The following AP2B1 variants were observed in gnomAD, a reference collection of about 807,000 sequenced individuals.
AP2B1 encodes AP-2 complex subunit beta.
A neutral mutation model predicts 102.0 loss-of-function variants in AP2B1; 23 were observed. The ratio of observed to expected loss-of-function variants is 0.23; its 90% CI spans 0.16 to 0.32. AP2B1 has a LOEUF of 0.32. Ranked by LOEUF, AP2B1 falls within the 10% of genes least tolerant of loss-of-function variation. The probability of loss-of-function intolerance (pLI) is 1.00; values close to 1 mark genes in which losing one functional copy is unlikely to be tolerated. For missense variants in AP2B1, 541 were observed against 1,157.4 expected, an observed-to-expected ratio of 0.47 and a Z score of 7.73; for synonymous variants, 381 against 421.2, an observed-to-expected ratio of 0.90 and a Z score of 1.17.
intron 21 of AP2B1, among the ~76,000 whole-genome samples, chr17:35,720,561 ATATATATATATATTTTTTTT>A (rs2085338424): frequency 2.0e-5 from 1 of 49,024 alleles, no homozygotes; most frequent in African/African-American, 7.7e-5. Flanking sequence ...ATATATATAT[ATATATATATATATTTTTTTT>A]TTTTTTTTTT....
At chr17:35,590,766 A>T (rs2073068575) in intron 1 of AP2B1, among the ~76,000 whole-genome samples, 1 of 152,202 alleles carries the variant, frequency 6.6e-6, no homozygotes, top group South Asian at 2.1e-4. Context: ...GCTCACAGTG[A>T]ACAGGATAGT....
chr17:35,594,161 A>G, intron 2 of AP2B1, 94 bp downstream of exon 2: 1 of 726,142 alleles, frequency 1.4e-6, no homozygotes, highest in South Asian at 2.0e-5. Flanking sequence ...CTTCCTTCAG[A>G]CATACATGTA....
At chr17:35,690,883 G>A (rs2076027185) in intron 18 of AP2B1, among the ~76,000 whole-genome samples, 1 of 152,180 alleles carries the variant, frequency 6.6e-6, no homozygotes, top group Non-Finnish European at 1.5e-5. Flanking sequence ...CTAGAGGTCT[G>A]ATAGCACCTT....
intron 19 of AP2B1, 60 bp from the exon 20 acceptor site, chr17:35,710,174 G>C: frequency 7.9e-7 from 1 of 1,269,352 alleles, no homozygotes; most frequent in African/African-American, 1.5e-5. Context: ...GCAAGGCATC[G>C]AAAATCAGAA....
At chr17:35,688,539 C>T (rs145725775) in intron 18 of AP2B1, among the ~76,000 whole-genome samples, 122 of 152,310 alleles carry the variant, frequency 8.0e-4, no homozygotes, top group African/African-American at 2.8e-3. Flanking sequence ...AACTTCTTTG[C>T]TGCTGCTCTC....
intron 5 of AP2B1, among the ~76,000 whole-genome samples, chr17:35,619,861 C>G (rs1020671999): frequency 6.6e-6 from 1 of 152,010 alleles, no homozygotes; most frequent in African/African-American, 2.4e-5. Context: ...CTTGGCTTAC[C>G]GCAACCTCTG....
Position 35,717,324 on chromosome 17 carries a change from T to C in AP2B1, c.2756T>C (p.Ile919Thr). 1 of 1,614,168 alleles carries C rather than the reference T, an allele frequency of 6.2e-7. No homozygotes were observed. The change falls in exon 21 of 22, where the codon ATC (isoleucine) becomes ACC (threonine). Residue 919 changes from isoleucine to threonine, a missense_variant. Coordinates refer to ENST00000610402, the MANE Select transcript of AP2B1 (RefSeq NM_001030006.2). ...ATTTGGATTTTGGCCGAACTACGTA[T>C]CCAGCCAGGAAACCCCAATTACACG... ...NGIWILAELR[I>T]QPGNPNYTLS...
chr17:35,621,405 A>G lies in AP2B1; in HGVS notation c.526-2992A>G, dbSNP rs2074173909. 5.5e-6 allele frequency: 5 copies of G among 906,440 alleles called. 1 individual carries two copies. In the South Asian group the frequency reaches 2.5e-4, roughly 46 times the overall value. 56.1% of individuals were successfully genotyped at this position (906,440 alleles called of 1,614,324 possible). ...ATGTTGCTAAAAATGTAACAGTCTG[A>G]CTGTGGAGATTAGGAGATGAAAGTG... On this transcript the variant is annotated intron_variant, in intron 5 of 21. Coordinates refer to ENST00000610402, the MANE Select transcript of AP2B1 (RefSeq NM_001030006.2).
chr17:35,684,353 A>G (rs990999660), intron 18 of AP2B1, among the ~76,000 whole-genome samples: 26 of 152,252 alleles, frequency 1.7e-4, no homozygotes, highest in African/African-American at 6.0e-4. Context: ...TCCTCTTTCC[A>G]GTCAAGACAG....
chr17:35,592,507 C>T (rs749545718), intron 1 of AP2B1, among the ~76,000 whole-genome samples: 7 of 152,002 alleles, frequency 4.6e-5, no homozygotes, highest in Non-Finnish European at 7.4e-5. Context: ...TACATGCCAC[C>T]ATGCCTGAGC....
chr17:35,593,976 C>A, intron 1 of AP2B1, 32 bp from the exon 2 acceptor site: 2 of 1,298,994 alleles, frequency 1.5e-6, no homozygotes, highest in Non-Finnish European at 2.1e-6. Context: ...TATCTATAAC[C>A]TGAATGAAGG....
chr17:35,712,465 A>T (rs1241223456), intron 20 of AP2B1, among the ~76,000 whole-genome samples: 2 of 151,994 alleles, frequency 1.3e-5, no homozygotes, highest in Non-Finnish European at 2.9e-5. Context: ...TGTCTCTACT[A>T]AAAATACAAA....
rs553315764 is a variant in AP2B1, at chr17:35,642,756, T to A, written c.1536+781T>A. Among the ~76,000 whole-genome samples the A allele has an allele frequency of 4.6e-5, 7 of 152,320 alleles. No individual in the cohort carries two copies. The South Asian group carries it at 1.5e-3, about 32-fold the overall frequency. Reference sequence around the variant, plus strand: ...GTCATCCCTTTATACTGGTGTGTAATCAAAATTTAAAACCCTTTCACAGTA... The same window carrying A: ...GTCATCCCTTTATACTGGTGTGTAAACAAAATTTAAAACCCTTTCACAGTA... On this transcript the variant is annotated intron_variant, in intron 12 of 21. Transcript: ENST00000610402.
intron 3 of AP2B1, among the ~76,000 whole-genome samples, chr17:35,600,581 C>T (rs2073445028): frequency 6.6e-6 from 1 of 152,072 alleles, no homozygotes; most frequent in Non-Finnish European, 1.5e-5. Context: ...TTATGAGAAT[C>T]TAGCTGTTTT....
At chr17:35,660,429 TG>T (rs1037923656) in intron 14 of AP2B1, among the ~76,000 whole-genome samples, 2 of 152,084 alleles carry the variant, frequency 1.3e-5, no homozygotes, top group African/African-American at 4.8e-5. Flanking sequence ...TTCAGTTTAG[TG>T]TTTGAACTGT....
At chr17:35,605,969 A>G in intron 4 of AP2B1, 129 bp downstream of exon 4, 1 of 1,413,236 alleles carries the variant, frequency 7.1e-7, no homozygotes, top group Non-Finnish European at 9.4e-7. Context: ...TCTGTATACC[A>G]GTGTGTGTCA....
intron 3 of AP2B1, among the ~76,000 whole-genome samples, chr17:35,601,651 A>G (rs920716958): frequency 6.6e-6 from 1 of 152,232 alleles, no homozygotes; most frequent in African/African-American, 2.4e-5. Flanking sequence ...GCATTGGGCT[A>G]GATTTAACCC....
intron 12 of AP2B1, among the ~76,000 whole-genome samples, chr17:35,649,094 G>A (rs76590885): frequency 0.018 from 2,729 of 151,980 alleles, 54 homozygotes; most frequent in African/African-American, 0.05. Context: ...TTAATATTAC[G>A]TGAGCTCCTT....
intron 2 of AP2B1, among the ~76,000 whole-genome samples, 168 bp downstream of exon 2, chr17:35,594,235 G>C (rs1398723796): frequency 1.3e-5 from 2 of 152,206 alleles, no homozygotes; most frequent in East Asian, 3.8e-4. Context: ...AGTTATTAAA[G>C]AGTAGGTTTT....
Sources: allele counts gnomAD v4.1 joint callset (sites outside exome capture counted in the v4.1 genomes callset), GRCh38; gene constraint gnomAD v4.1.1; transcripts MANE v1.5; gene names NCBI Gene and HGNC (gene_info 2026-07-23, HGNC 2026-07-21).